Variants in ZNF37A observed in about 807,000 individuals in gnomAD.
ZNF37A encodes zinc finger protein 37a (KOX 21).
A neutral mutation model predicts 12.3 loss-of-function variants in ZNF37A; 10 were observed. That is an observed-to-expected ratio of 0.82 (90% CI 0.50 to 1.38). ZNF37A has a LOEUF of 1.38. Among genes scored for constraint, ZNF37A ranks in the 40% most tolerant of loss-of-function variants. The pLI, the probability that ZNF37A is intolerant of heterozygous loss-of-function variation, is 0.00. For missense variants in ZNF37A, 580 were observed against 651.2 expected, an observed-to-expected ratio of 0.89 and a Z score of 1.19; for synonymous variants, 207 against 223.0, an observed-to-expected ratio of 0.93 and a Z score of 0.64.
At chr10:38,101,349 ATT>A (rs35151327) in intron 5 of ZNF37A, among the ~76,000 whole-genome samples, 1,750 of 145,022 alleles carry the variant, frequency 0.012, 33 homozygotes, top group African/African-American at 0.037. Context: ...TTTTGAGTTA[ATT>A]TTTTTTTTTT....
In ZNF37A at chr10:38,118,839, G is replaced by A; in HGVS notation, c.*2G>A. On this transcript the variant is annotated 3_prime_UTR_variant, in exon 8 of 8. Transcript: ENST00000685332. ...AACGAGGGAAATTACTCTGGGTGAA[G>A]TCAGAACTTTGTAGAACACAGAACA... 1 of 1,557,308 alleles carries A rather than the reference G, an allele frequency of 6.4e-7. No homozygotes were observed. The highest frequency in any genetic ancestry group is 8.7e-7 in the Non-Finnish European group (1 of 1,155,972).
chr10:38,097,583 C>CAAAAAAAAAAAA lies in ZNF37A; in HGVS notation c.15+971_15+982dup, dbSNP rs71007695. ...TGGGTGACAGAGTGAGACTCTGTCT[C>CAAAAAAAAAAAA]AAAAAAAAAAAAAAAAAAAAAAAAA... On this transcript the variant is annotated intron_variant, in intron 5 of 7. Coordinates refer to ENST00000685332, the MANE Select transcript of ZNF37A (RefSeq NM_001324250.3). 4.0e-4 allele frequency among the ~76,000 whole-genome samples: 25 copies of CAAAAAAAAAAAA among 61,942 alleles called. 2 individuals carry two copies. The highest frequency in any genetic ancestry group is 9.3e-3 in the Middle Eastern group (1 of 108). 40.6% of individuals were successfully genotyped at this position (61,942 alleles called of 152,430 possible).
downstream of ZNF37A, among the ~76,000 whole-genome samples, chr10:38,129,316 A>AAAAAAAAAAAAAAC (rs1432210552): frequency 8.2e-4 from 117 of 142,514 alleles, 6 homozygotes; most frequent in Admixed American, 2.7e-3. Context: ...AAAAAAAAAA[A>AAAAAAAAAAAAAAC]AAAAAACTAT....
intron 5 of ZNF37A, among the ~76,000 whole-genome samples, chr10:38,100,848 G>GT (rs1202259037): frequency 5.3e-5 from 8 of 152,132 alleles, no homozygotes; most frequent in Non-Finnish European, 1.2e-4. Flanking sequence ...CACAATTTAT[G>GT]TTTAGAGATT....
chr10:38,126,554 T>C (rs566647153), downstream of ZNF37A, among the ~76,000 whole-genome samples: 10 of 152,206 alleles, frequency 6.6e-5, no homozygotes, highest in Non-Finnish European at 1.5e-4. Flanking sequence ...ACAACACATT[T>C]GTTCTACTTG....
downstream of ZNF37A, among the ~76,000 whole-genome samples, chr10:38,127,523 C>A (rs1207265015): frequency 1.3e-5 from 2 of 152,174 alleles, no homozygotes; most frequent in Admixed American, 1.3e-4. Flanking sequence ...TGTTACACAG[C>A]TCATTCAGGT....
chr10:38,145,503 A>G (rs2070241125), intron 7 of ZNF37A, among the ~76,000 whole-genome samples: 1 of 152,156 alleles, frequency 6.6e-6, no homozygotes, highest in South Asian at 2.1e-4. Flanking sequence ...TGGACCTGTT[A>G]TTATTTTTTC....
chr10:38,117,459 T>G lies in ZNF37A; in HGVS notation c.308T>G (p.Phe103Cys), dbSNP rs1590907010. 1 of 1,605,698 alleles carries G rather than the reference T, an allele frequency of 6.2e-7. No individual in the cohort carries two copies. The highest frequency in any genetic ancestry group is 8.5e-7 in the Non-Finnish European group (1 of 1,177,928). Residue 103 changes from phenylalanine to cysteine, a missense_variant, in exon 8 of 8, where the codon TTC (phenylalanine) becomes TGC (cysteine). Transcript: ENST00000685332. ...GAGTTTAACAAAGGTGGAAAATGTT[T>G]CTGTGATGAAAAGCATGAAATAATT... ...FNEFNKGGKC[F>C]CDEKHEIIHS...
intron 4 of ZNF37A, among the ~76,000 whole-genome samples, chr10:38,096,120 CAT>C (rs1220117149): frequency 6.6e-6 from 1 of 152,112 alleles, no homozygotes; most frequent in East Asian, 1.9e-4. Context: ...GAGATCATGC[CAT>C]CGCACTCCAG....
intron 5 of ZNF37A, among the ~76,000 whole-genome samples, chr10:38,111,297 C>T (rs1340888581): frequency 2.6e-5 from 4 of 151,554 alleles, no homozygotes; most frequent in African/African-American, 9.7e-5. Flanking sequence ...AACACATGAA[C>T]ACAGGAGGGG....
In ZNF37A at chr10:38,119,306, A is replaced by G. The variant is rs1034165671; in HGVS notation, c.*469A>G. ...AGAACTCATATAAGACAGAAACCCT[A>G]TGGGTGTAATGAATGTGGAAAATCA... On this transcript the variant is annotated 3_prime_UTR_variant, in exon 8 of 8. Transcript: ENST00000685332. The G allele has an allele frequency of 1.3e-5, 13 of 1,034,420 alleles. No homozygotes were observed. In the African/African-American group the frequency reaches 1.6e-4, roughly 12 times the overall value. The allele number at this position is 1,034,420 out of a possible 1,614,324, so 64.1% of individuals were successfully genotyped here.
Position 38,118,277 on chromosome 10 carries a change from A to G in ZNF37A, c.1126A>G (p.Thr376Ala), listed in dbSNP as rs2069448457. ...FKSVLTVHQKTHTGEKPYECY... is the reference protein window; with the variant it reads ...FKSVLTVHQKAHTGEKPYECY... ...GTCAGTCCTTACTGTGCATCAGAAA[A>G]CACACACAGGGGAGAAGCCCTATGA... The change falls in exon 8 of 8, where the codon ACA (threonine) becomes GCA (alanine). Residue 376 changes from threonine to alanine, a missense_variant. Physicochemically the swap from Thr to Ala is moderately conservative, Grantham distance 58. Coordinates refer to ENST00000685332, the MANE Select transcript of ZNF37A (RefSeq NM_001324250.3). 1 of 1,614,026 alleles carries G rather than the reference A, an allele frequency of 6.2e-7. No individual in the cohort carries two copies. Among genetic ancestry groups the G allele is most frequent in the Non-Finnish European group, 8.5e-7 (1 of 1,179,978 alleles).
In ZNF37A at chr10:38,094,355, TTCGG is replaced by T. The variant is rs2066953937; in HGVS notation, c.-626_-623del. On this transcript the variant is annotated 5_prime_UTR_variant, in exon 1 of 8. Coordinates refer to ENST00000685332, the MANE Select transcript of ZNF37A (RefSeq NM_001324250.3). Reference sequence around the variant, plus strand: ...CTTGTGGGAGATGTAGTGTGCACTTTTCGGCCCCCGTCGCGGGAGCCGCTTCGGG... The same window carrying T: ...CTTGTGGGAGATGTAGTGTGCACTTTCCCCCGTCGCGGGAGCCGCTTCGGG... 2 of 151,918 alleles carry T rather than the reference TTCGG, an allele frequency of 1.3e-5. No homozygotes were observed. Among genetic ancestry groups the T allele is most frequent in the African/African-American group, 2.4e-5 (1 of 41,232 alleles). The allele number at this position is 151,918 out of a possible 1,614,324, so 9.4% of individuals were successfully genotyped here.
At chr10:38,108,518 C>A (rs192517008) in intron 5 of ZNF37A, among the ~76,000 whole-genome samples, 1 of 151,982 alleles carries the variant, frequency 6.6e-6, no homozygotes, top group East Asian at 1.9e-4. Context: ...GATAGAGATA[C>A]GAAAAACCCT....
intron 7 of ZNF37A, chr10:38,138,678 C>A (rs2070142413): frequency 6.6e-6 from 1 of 152,132 alleles, no homozygotes; most frequent in African/African-American, 2.4e-5. Context: ...CACATGCTCA[C>A]CAGGAACCCG....
At position 38,118,201 on chromosome 10, in the gene ZNF37A, A is replaced by C. The variant is rs1276832878; in HGVS notation, c.1050A>C (p.Thr350=). Residue 350 remains threonine, a synonymous_variant, in exon 8 of 8, where the codon ACA becomes ACC. Transcript: ENST00000685332. ...STLTQHQRTH[T]GEKPYECHEC... is the part of the protein sequence containing the mutation. Reference sequence around the variant, plus strand: ...TTACTCAACATCAAAGAACGCACACAGGGGAGAAACCATATGAATGTCATG... The same window carrying C: ...TTACTCAACATCAAAGAACGCACACCGGGGAGAAACCATATGAATGTCATG... 3 of 1,613,894 alleles carry C rather than the reference A, an allele frequency of 1.9e-6. No homozygotes were observed. The highest frequency in any genetic ancestry group is 1.7e-6 in the Non-Finnish European group (2 of 1,179,796).
intron 5 of ZNF37A, among the ~76,000 whole-genome samples, chr10:38,107,683 A>G (rs75303913): frequency 1.3e-5 from 2 of 152,248 alleles, no homozygotes; most frequent in African/African-American, 2.4e-5. Flanking sequence ...ATTGGAAAGC[A>G]AAAGAAGCAG....
At chr10:38,146,233 C>T (rs749255780) in intron 7 of ZNF37A, among the ~76,000 whole-genome samples, 5 of 152,162 alleles carry the variant, frequency 3.3e-5, no homozygotes, top group Admixed American at 6.5e-5. Flanking sequence ...TGCGACTTAA[C>T]AACATTTCCA....
downstream of ZNF37A, among the ~76,000 whole-genome samples, chr10:38,128,657 A>G (rs2069962921): frequency 6.6e-6 from 1 of 152,194 alleles, no homozygotes. Flanking sequence ...GATGTACACC[A>G]TGACATTCTG....
Sources: gnomAD v4.1 joint callset for allele counts (sites outside exome capture counted in the v4.1 genomes callset) on GRCh38, gnomAD v4.1.1 for gene constraint, MANE v1.5 for transcripts, NCBI Gene and HGNC (gene_info 2026-07-23, HGNC 2026-07-21) for gene names.